The following UBE2E1 variants were observed in gnomAD, a reference collection of about 807,000 sequenced individuals.
UBE2E1 encodes the protein ubiquitin-conjugating enzyme E2 E1.
Under a neutral mutation model 21.4 loss-of-function variants are expected in UBE2E1, and 6 were observed. That is an observed-to-expected ratio of 0.28 (90% CI 0.15 to 0.55). UBE2E1 has a LOEUF of 0.55. Ranked by LOEUF, UBE2E1 falls within the 20% of genes least tolerant of loss-of-function variation. The pLI, the probability that UBE2E1 is intolerant of heterozygous loss-of-function variation, is 0.93. For synonymous variants in UBE2E1, 87 were observed against 82.7 expected, an observed-to-expected ratio of 1.05 and a Z score of -0.28; for missense variants, 142 against 236.5, an observed-to-expected ratio of 0.60 and a Z score of 2.62.
intron 3 of UBE2E1, among the ~76,000 whole-genome samples, chr3:23,880,684 G>T (rs1008668902): frequency 2.0e-4 from 30 of 152,238 alleles, no homozygotes; most frequent in Non-Finnish European, 4.0e-4. Flanking sequence ...CAGCAGAGTA[G>T]TCTGTAATAA....
intron 4 of UBE2E1, among the ~76,000 whole-genome samples, chr3:23,888,833 A>G (rs1701266019): frequency 6.6e-6 from 1 of 152,244 alleles, no homozygotes; most frequent in Non-Finnish European, 1.5e-5. Context: ...ACAATTAGCT[A>G]TTCAAACTTG....
At chr3:23,849,635 G>GC (rs563132290) in intron 3 of UBE2E1, among the ~76,000 whole-genome samples, 12 of 152,100 alleles carry the variant, frequency 7.9e-5, no homozygotes, top group Non-Finnish European at 1.3e-4. Context: ...GTGTTAATTT[G>GC]CAGAGGATGA....
At chr3:23,838,991 CT>C (rs1409071199) in intron 3 of UBE2E1, among the ~76,000 whole-genome samples, 1 of 151,010 alleles carries the variant, frequency 6.6e-6, no homozygotes, top group Admixed American at 6.6e-5. Context: ...TAGAATACAT[CT>C]TTAGCTTATC....
At chr3:23,807,069 G>A in intron 1 of UBE2E1, 168 bp from the exon 2 acceptor site, 1 of 503,254 alleles carries the variant, frequency 2.0e-6, no homozygotes. Context: ...AACAAGCCGC[G>A]TCCGATTTGC....
chr3:23,843,054 A>G (rs1700128268), intron 3 of UBE2E1, among the ~76,000 whole-genome samples: 1 of 150,802 alleles, frequency 6.6e-6, no homozygotes, highest in South Asian at 2.1e-4. Context: ...AGTAGTATAT[A>G]GTATGATTAT....
chr3:23,829,769 T>G (rs1473686103), intron 3 of UBE2E1, among the ~76,000 whole-genome samples: 2 of 152,218 alleles, frequency 1.3e-5, no homozygotes, highest in African/African-American at 2.4e-5. Flanking sequence ...CCCCTCAGGC[T>G]TAGCTCACTA....
chr3:23,872,792 G>A (rs1055397791), intron 3 of UBE2E1, among the ~76,000 whole-genome samples: 1 of 152,214 alleles, frequency 6.6e-6, no homozygotes, highest in African/African-American at 2.4e-5. Context: ...GCCAAGGCAG[G>A]TGGATCATGA....
intron 3 of UBE2E1, among the ~76,000 whole-genome samples, chr3:23,879,829 T>C (rs1410086189): frequency 6.6e-6 from 1 of 152,264 alleles, no homozygotes; most frequent in African/African-American, 2.4e-5. Flanking sequence ...TGACAGCAGA[T>C]AACTAAGCCT....
chr3:23,858,436 C>T (rs1349379586), intron 3 of UBE2E1, among the ~76,000 whole-genome samples: 1 of 152,158 alleles, frequency 6.6e-6, no homozygotes, highest in Non-Finnish European at 1.5e-5. Context: ...TCTCCTGCCT[C>T]AGCCTCCCGA....
chr3:23,841,558 T>G (rs1408371968), intron 3 of UBE2E1, among the ~76,000 whole-genome samples: 1 of 152,226 alleles, frequency 6.6e-6, no homozygotes, highest in Non-Finnish European at 1.5e-5. Context: ...ATTTCTACTT[T>G]CCATGAATTC....
intron 3 of UBE2E1, among the ~76,000 whole-genome samples, chr3:23,845,589 CTGTGTGTG>C (rs377458829): frequency 8.2e-6 from 1 of 121,288 alleles, no homozygotes; most frequent in East Asian, 2.3e-4. Context: ...CTCTCTCTCT[CTGTGTGTG>C]TGTGTGTGTG....
chr3:23,825,268 G>C (rs1699731273), intron 3 of UBE2E1, among the ~76,000 whole-genome samples: 1 of 152,172 alleles, frequency 6.6e-6, no homozygotes, highest in Non-Finnish European at 1.5e-5. Context: ...TGTGACCTTG[G>C]CTGAGCAGTA....
chr3:23,821,454 A>C lies in UBE2E1; in HGVS notation c.203+9944A>C, dbSNP rs530879705. Among the ~76,000 whole-genome samples the C allele has an allele frequency of 2.6e-5, 4 of 152,324 alleles. No individual in the cohort carries two copies. The South Asian group carries it at 8.3e-4, about 32-fold the overall frequency. Reference sequence around the variant, plus strand: ...TAGAGAGTTTGGATTTTTCTCAATAATGCTTTAAAAGTCTTTTCCCACCCT... The same window carrying C: ...TAGAGAGTTTGGATTTTTCTCAATACTGCTTTAAAAGTCTTTTCCCACCCT... On this transcript the variant is annotated intron_variant, in intron 3 of 5. Coordinates refer to ENST00000306627, the MANE Select transcript of UBE2E1 (RefSeq NM_003341.5).
chr3:23,837,662 C>T (rs923183759), intron 3 of UBE2E1, among the ~76,000 whole-genome samples: 1 of 152,118 alleles, frequency 6.6e-6, no homozygotes, highest in South Asian at 2.1e-4. Flanking sequence ...TTTTATAAAG[C>T]GTTGGAGATA....
intron 3 of UBE2E1, among the ~76,000 whole-genome samples, chr3:23,838,735 G>A (rs566480169): frequency 6.6e-6 from 1 of 152,286 alleles, no homozygotes; most frequent in Non-Finnish European, 1.5e-5. Context: ...GAGCTGAAGG[G>A]ATCTGCCTGC....
chr3:23,836,955 C>G lies in UBE2E1; in HGVS notation c.203+25445C>G, dbSNP rs553746007. On this transcript the variant is annotated intron_variant, in intron 3 of 5. Transcript: ENST00000306627. The surrounding 1 kb of genome is among the most constrained non-coding windows in gnomAD (Gnocchi z 4.1). ...TGAAAAGATGGGCAATTTGGGAAAT[C>G]TGTGGCTTGTTAACTTGTTTGGCAT... 9.2e-5 allele frequency among the ~76,000 whole-genome samples: 14 copies of G among 152,306 alleles called. 1 individual carries two copies. The South Asian group carries it at 1.7e-3, about 18-fold the overall frequency.
At chr3:23,849,194 T>C (rs1284479240) in intron 3 of UBE2E1, among the ~76,000 whole-genome samples, 1 of 152,194 alleles carries the variant, frequency 6.6e-6, no homozygotes, top group Non-Finnish European at 1.5e-5. Context: ...GCTGCAAAAC[T>C]GTTTTCCTAA....
chr3:23,868,345 T>C (rs1471683115), intron 3 of UBE2E1, among the ~76,000 whole-genome samples: 2 of 152,196 alleles, frequency 1.3e-5, no homozygotes, highest in African/African-American at 2.4e-5. Context: ...AGTCTCCCTC[T>C]GTTGCTTAGG....
At chr3:23,817,294 C>G (rs922966241) in intron 3 of UBE2E1, among the ~76,000 whole-genome samples, 1 of 151,980 alleles carries the variant, frequency 6.6e-6, no homozygotes, top group Non-Finnish European at 1.5e-5. Context: ...TGGTGACGCG[C>G]GCCCGTAATC....
Sources: allele counts gnomAD v4.1 joint callset (sites outside exome capture counted in the v4.1 genomes callset), GRCh38; gene constraint gnomAD v4.1.1; non-coding constraint Gnocchi (gnomAD v3.1); transcripts MANE v1.5; gene names NCBI Gene and HGNC (gene_info 2026-07-23, HGNC 2026-07-21).